SRGAP2: variants seen among roughly 807,000 people sequenced by gnomAD.
The protein encoded by SRGAP2 is SLIT-ROBO Rho GTPase-activating protein 2.
SRGAP2 carries 15 observed loss-of-function variants against 57.2 expected under a neutral mutation model. The observed-to-expected ratio is 0.26, with a 90% CI of 0.18 to 0.40. The LOEUF is 0.40. Among genes scored for constraint, SRGAP2 ranks in the 10% least tolerant of loss-of-function variants. The pLI is 1.00. For missense variants in SRGAP2, 520 were observed against 669.6 expected (o/e 0.78, Z 2.47); for synonymous variants, 249 against 248.0 (o/e 1.00, Z -0.04).
At chr1:206,437,674 C>G (rs1661893546) in intron 15 of SRGAP2, 1 of 326,726 alleles carries the variant, frequency 3.1e-6, no homozygotes, top group Non-Finnish European at 5.7e-6. Context: ...TTGTGAGATA[C>G]AGTTGCTGTG....
intron 3 of SRGAP2, among the ~76,000 whole-genome samples, chr1:206,306,395 G>A (rs1429094705): frequency 0.019 from 2,838 of 152,188 alleles, 56 homozygotes; most frequent in African/African-American, 0.057. Context: ...CGTTCCTCCC[G>A]GTGGGCTTGT....
At chr1:206,286,356 A>AT (rs1377019241) in intron 2 of SRGAP2, among the ~76,000 whole-genome samples, 30 of 152,090 alleles carry the variant, frequency 2.0e-4, no homozygotes, top group Admixed American at 3.9e-4. Flanking sequence ...ACTCTTGCTT[A>AT]TTTTTTTTAA....
intron 4 of SRGAP2, among the ~76,000 whole-genome samples, chr1:206,364,299 C>CTTTTTT (rs1194605542): frequency 2.5e-5 from 3 of 118,578 alleles, no homozygotes; most frequent in Non-Finnish European, 3.5e-5. Context: ...GGTTGCTCTT[C>CTTTTTT]TTTTTTTTTT....
At chr1:206,297,803 G>A (rs1409775676) in intron 2 of SRGAP2, among the ~76,000 whole-genome samples, 3 of 147,958 alleles carry the variant, frequency 2.0e-5, no homozygotes, top group Non-Finnish European at 4.5e-5. Context: ...AGGAAAGAAA[G>A]GGATCTCTGG....
rs1433275965 is a variant in SRGAP2, at chr1:206,450,396, C to T, written c.2110C>T (p.His704Tyr). ...GSMEDYCDSPHGETTSVEDST... is the reference protein window; with the variant it reads ...GSMEDYCDSPYGETTSVEDST... ...TTGCTTCTGTTGCAGTGATAGCCCTCATGGAGAGACTACCTCGGTTGAAGA... is the reference window on the plus strand; with the variant it reads ...TTGCTTCTGTTGCAGTGATAGCCCTTATGGAGAGACTACCTCGGTTGAAGA... The change falls in exon 19 of 23, where the codon CAT becomes TAT. Residue 704 changes from histidine to tyrosine, a missense_variant. By Grantham distance (83) the His-to-Tyr change is moderately conservative (BLOSUM62 2). Transcript: ENST00000573034. 1 of 780,868 alleles carries T rather than the reference C, an allele frequency of 1.3e-6. No homozygotes were observed. The highest frequency in any genetic ancestry group is 2.4e-6 in the Non-Finnish European group (1 of 417,978). The allele number at this position is 780,868 out of a possible 1,614,324, so 48.4% of individuals were successfully genotyped here.
chr1:206,347,270 AC>A (rs1553337099), intron 4 of SRGAP2, among the ~76,000 whole-genome samples: 1 of 151,788 alleles, frequency 6.6e-6, no homozygotes, highest in Non-Finnish European at 1.5e-5. Flanking sequence ...AAAAAAAACA[AC>A]AAAAAAACAA....
At chr1:206,420,800 A>C (rs1306458203) in intron 12 of SRGAP2, among the ~76,000 whole-genome samples, 1 of 152,164 alleles carries the variant, frequency 6.6e-6, no homozygotes, top group Non-Finnish European at 1.5e-5. Flanking sequence ...AACCCAGAAA[A>C]ATTGTTCCCT....
intron 2 of SRGAP2, among the ~76,000 whole-genome samples, chr1:206,285,853 AT>A (rs1397124893): frequency 0.06 from 9,131 of 151,852 alleles, 377 homozygotes; most frequent in Non-Finnish European, 0.089. Flanking sequence ...GTTAGTAGAG[AT>A]GGGGTTCTGC....
Position 206,260,698 on chromosome 1 carries a change from G to T in SRGAP2, c.68-42583G>T, listed in dbSNP as rs190190724. Among the ~76,000 whole-genome samples the T allele has an allele frequency of 7.1e-4, 108 of 152,328 alleles. 1 individual carries two copies. The highest frequency in any genetic ancestry group is 4.7e-4 in the Non-Finnish European group (32 of 68,042). ...TATCAGAGCTGCATAGTATTCCATT[G>T]TATGGATGGCTGCCTCCTACTTTAT... On this transcript the variant is annotated intron_variant, in intron 2 of 22. Transcript: ENST00000573034.
chr1:206,276,878 T>C (rs1314733696), intron 2 of SRGAP2, among the ~76,000 whole-genome samples: 19 of 152,270 alleles, frequency 1.2e-4, no homozygotes, highest in Admixed American at 8.5e-4. Flanking sequence ...CAGCTGAGTA[T>C]TTGCTGCCTA....
intron 21 of SRGAP2, chr1:206,455,664 T>TA (rs1663770754): frequency 6.5e-6 from 1 of 153,336 alleles, no homozygotes; most frequent in Non-Finnish European, 1.5e-5. Flanking sequence ...CCAGGAGAAA[T>TA]AATTTTCCAT....
chr1:206,413,415 G>A (rs1659389373), intron 10 of SRGAP2, among the ~76,000 whole-genome samples: 1 of 152,224 alleles, frequency 6.6e-6, no homozygotes, highest in Non-Finnish European at 1.5e-5. Flanking sequence ...CAGCAGGTGA[G>A]CTGGCATCTG....
intron 19 of SRGAP2, among the ~76,000 whole-genome samples, chr1:206,451,306 G>A (rs868960306): frequency 9.9e-5 from 15 of 152,178 alleles, no homozygotes; most frequent in South Asian, 2.1e-4. Flanking sequence ...AGCGTGGTGG[G>A]CGTGCATCAA....
At chr1:206,337,224 C>G (rs1674843124) in intron 3 of SRGAP2, among the ~76,000 whole-genome samples, 1 of 143,402 alleles carries the variant, frequency 7.0e-6, no homozygotes, top group South Asian at 2.2e-4. Context: ...ATTGTTCTAC[C>G]TTGTCCCTTA....
At chr1:206,356,866 C>A (rs1676476413) in intron 4 of SRGAP2, among the ~76,000 whole-genome samples, 1 of 147,982 alleles carries the variant, frequency 6.8e-6, no homozygotes, top group Non-Finnish European at 1.5e-5. Flanking sequence ...TTAAGCCCAG[C>A]CCTTGGGGTT....
chr1:206,319,236 C>T (rs1673285331), intron 3 of SRGAP2, among the ~76,000 whole-genome samples: 2 of 147,632 alleles, frequency 1.4e-5, no homozygotes, highest in Non-Finnish European at 2.9e-5. Flanking sequence ...ACGGCGAAAC[C>T]CCATCTCTAC....
chr1:206,341,832 T>G (rs1306657418), intron 3 of SRGAP2, among the ~76,000 whole-genome samples: 1 of 152,002 alleles, frequency 6.6e-6, no homozygotes, highest in Non-Finnish European at 1.5e-5. Flanking sequence ...AACCCATCTC[T>G]ACTAAAAATA....
intron 2 of SRGAP2, among the ~76,000 whole-genome samples, chr1:206,286,431 T>C (rs1238534034): frequency 4.0e-5 from 6 of 151,762 alleles, no homozygotes; most frequent in Admixed American, 2.0e-4. Context: ...CAGCAATAAA[T>C]TGTTCCAAAT....
In SRGAP2 at chr1:206,461,402, C is replaced by G. The variant is rs201747222; in HGVS notation, c.3198C>G (p.Asp1066Glu). The part of the protein sequence containing the change: ...VNSSTSPQST[D>E]KSCTV ...CATCAACTTCCCCACAGTCTACTGA[C>G]AAGTCTTGTACTGTCTGAGGGATAA... Residue 1066 changes from aspartate (D) to glutamate (E), a missense_variant, in exon 23 of 23, where the codon GAC becomes GAG. Transcript: ENST00000573034. 1.3e-6 allele frequency: 1 copy of G among 778,360 alleles called. No individual in the cohort carries two copies. Among genetic ancestry groups the G allele is most frequent in the Admixed American group, 1.7e-5 (1 of 58,894 alleles). 48.2% of individuals were successfully genotyped at this position (778,360 alleles called of 1,614,324 possible).
Sources: gnomAD v4.1 joint callset for allele counts (sites outside exome capture counted in the v4.1 genomes callset) on GRCh38, gnomAD v4.1.1 for gene constraint, MANE v1.5 for transcripts, NCBI Gene and HGNC (gene_info 2026-07-23, HGNC 2026-07-21) for gene names.